TSPAN2: variants seen among roughly 807,000 people sequenced by gnomAD.
TSPAN2 encodes the protein tetraspanin-2.
In TSPAN2, 24 loss-of-function variants were observed where a neutral mutation model predicts 33.3. The observed-to-expected ratio is 0.72, with a 90% CI of 0.52 to 1.01. The LOEUF is 1.01. Ranked by LOEUF, TSPAN2 falls within the 50% of genes least tolerant of loss-of-function variation. The pLI is 0.00. For missense variants in TSPAN2, 278 were observed against 281.3 expected, an observed-to-expected ratio of 0.99 and a Z score of 0.08; for synonymous variants, 114 against 104.5, an observed-to-expected ratio of 1.09 and a Z score of -0.56.
intron 2 of TSPAN2, among the ~76,000 whole-genome samples, chr1:115,067,597 C>G (rs142002353): frequency 8.5e-4 from 129 of 152,234 alleles, no homozygotes; most frequent in African/African-American, 3.1e-3. Flanking sequence ...TTTAACAAGC[C>G]AAGCCACCCC....
At position 115,048,487 on chromosome 1, in the gene TSPAN2, TTTAA is replaced by T. The variant is rs1168466770; in HGVS notation, c.*1999_*2002del. ...ATGGAACAGAACCCTTCTCTTCTAC[TTTAA>T]TTAATTTCATTTTAAATTTATTTAT... On this transcript the variant is annotated 3_prime_UTR_variant, in exon 8 of 8. Coordinates refer to ENST00000369516, the MANE Select transcript of TSPAN2 (RefSeq NM_005725.6). 6.6e-6 allele frequency: 1 copy of T among 151,966 alleles called. No homozygotes were observed. The highest frequency in any genetic ancestry group is 2.4e-5 in the African/African-American group (1 of 41,430). 9.4% of individuals were successfully genotyped at this position (151,966 alleles called of 1,614,324 possible).
intron 1 of TSPAN2, among the ~76,000 whole-genome samples, chr1:115,086,329 G>C (rs779647611): frequency 2.0e-5 from 3 of 152,190 alleles, no homozygotes; most frequent in Non-Finnish European, 4.4e-5. Context: ...CGCCCTGCTT[G>C]GGATCTCTGC....
At chr1:115,056,520 C>G (rs1425803181) in intron 6 of TSPAN2, among the ~76,000 whole-genome samples, 1 of 152,200 alleles carries the variant, frequency 6.6e-6, no homozygotes, top group Admixed American at 6.5e-5. Context: ...TTACGCTGGT[C>G]TCTCGGCACG....
intron 2 of TSPAN2, among the ~76,000 whole-genome samples, chr1:115,071,211 G>A (rs1458647698): frequency 1.3e-5 from 2 of 152,116 alleles, no homozygotes; most frequent in African/African-American, 2.4e-5. Flanking sequence ...ATAGTAATTC[G>A]CTTCTTGGCC....
intron 2 of TSPAN2, among the ~76,000 whole-genome samples, chr1:115,066,596 TC>T (rs1027012884): frequency 1.3e-5 from 2 of 152,146 alleles, no homozygotes; most frequent in African/African-American, 4.8e-5. Flanking sequence ...AAAATGTGGT[TC>T]CCCCCTTTTA....
At chr1:115,063,108 T>C (rs771871806) in intron 2 of TSPAN2, among the ~76,000 whole-genome samples, 1 of 152,216 alleles carries the variant, frequency 6.6e-6, no homozygotes, top group Non-Finnish European at 1.5e-5. Flanking sequence ...AGAAATGATA[T>C]CATATTAAAA....
intron 1 of TSPAN2, among the ~76,000 whole-genome samples, chr1:115,081,500 TAAAC>T (rs1450118102): frequency 6.6e-6 from 1 of 152,202 alleles, no homozygotes; most frequent in Non-Finnish European, 1.5e-5. Context: ...CTTAGGGTAA[TAAAC>T]ACATGCGTGC....
At chr1:115,068,119 C>T (rs1648020823) in intron 2 of TSPAN2, among the ~76,000 whole-genome samples, 1 of 152,186 alleles carries the variant, frequency 6.6e-6, no homozygotes, top group Non-Finnish European at 1.5e-5. Flanking sequence ...GGAAGGGCCT[C>T]CAGGCCTTGG....
intron 7 of TSPAN2, among the ~76,000 whole-genome samples, chr1:115,051,902 G>T (rs749203204): frequency 6.6e-6 from 1 of 152,114 alleles, no homozygotes; most frequent in Non-Finnish European, 1.5e-5. Flanking sequence ...GAAACCTGGG[G>T]GTGCCGACTC....
chr1:115,069,077 C>T lies in TSPAN2; in HGVS notation c.172+3828G>A, dbSNP rs1005467413. On this transcript the variant is annotated intron_variant, in intron 2 of 7. Transcript: ENST00000369516. ...ATGACCCACTTCTCTGAACTTTGAG[C>T]ATGGATCGTGAGTGCCTTTACCACC... Among the ~76,000 whole-genome samples, 21 of 152,310 alleles carry T rather than the reference C, an allele frequency of 1.4e-4. 1 individual carries two copies. In the South Asian group the frequency reaches 4.1e-3, roughly 30 times the overall value.
intron 1 of TSPAN2, among the ~76,000 whole-genome samples, chr1:115,082,113 G>A (rs531051025): frequency 1.5e-3 from 230 of 152,362 alleles, no homozygotes; most frequent in African/African-American, 5.0e-3. Context: ...GCTGTCCAGC[G>A]TTGTGGCCAC....
intron 2 of TSPAN2, among the ~76,000 whole-genome samples, chr1:115,067,419 G>A (rs148749076): frequency 8.5e-5 from 13 of 152,156 alleles, no homozygotes; most frequent in Non-Finnish European, 1.8e-4. Flanking sequence ...CTTCAGTTTC[G>A]TTAGCTGCAA....
rs189370335 is a variant in TSPAN2 at position 115,050,476 on chromosome 1, A to C, written c.*14T>G. 13 of 1,612,978 alleles carry C rather than the reference A, an allele frequency of 8.1e-6. No individual in the cohort carries two copies. Among genetic ancestry groups the C allele is most frequent in the Admixed American group, 3.3e-5 (2 of 60,004 alleles). On this transcript the variant is annotated 3_prime_UTR_variant, in exon 8 of 8. Coordinates refer to ENST00000369516, the MANE Select transcript of TSPAN2 (RefSeq NM_005725.6). Reference sequence around the variant, plus strand: ...ATGAAAGCTTTAGATTGCAATTTTCATGTAGAAGTAGCTTCATATCACATC... The same window carrying C: ...ATGAAAGCTTTAGATTGCAATTTTCCTGTAGAAGTAGCTTCATATCACATC...
At chr1:115,078,373 C>T (rs1444929649) in intron 1 of TSPAN2, among the ~76,000 whole-genome samples, 1 of 152,116 alleles carries the variant, frequency 6.6e-6, no homozygotes, top group Admixed American at 6.5e-5. Flanking sequence ...TAGACATTTG[C>T]TAAATGAGTG....
chr1:115,050,170 T>C lies in TSPAN2; in HGVS notation c.*320A>G. 1 of 278,068 alleles carries C rather than the reference T, an allele frequency of 3.6e-6. No individual in the cohort carries two copies. Among genetic ancestry groups the C allele is most frequent in the Non-Finnish European group, 6.7e-6 (1 of 148,408 alleles). 17.2% of individuals were successfully genotyped at this position (278,068 alleles called of 1,614,324 possible). ...AAAGTTTCTGAAAGCTCTTTGATCT[T>C]TTTTTTCTGGGAGCGAAATAGGTTG... On this transcript the variant is annotated 3_prime_UTR_variant, in exon 8 of 8. Coordinates refer to ENST00000369516, the MANE Select transcript of TSPAN2 (RefSeq NM_005725.6).
chr1:115,062,766 C>T (rs897084406), intron 2 of TSPAN2, among the ~76,000 whole-genome samples: 1 of 152,202 alleles, frequency 6.6e-6, no homozygotes, highest in Non-Finnish European at 1.5e-5. Flanking sequence ...AAACCACTCC[C>T]ATTAATAGGG....
rs1675281630 is a variant in TSPAN2 at position 115,050,395 on chromosome 1, C to T, written c.*95G>A. ...AATTGACAGCAAATTATTTTAGATC[C>T]TAATGTCATTTCAGTGTTAAAAATG... is the stretch of plus-strand genomic sequence containing the variant. On this transcript the variant is annotated 3_prime_UTR_variant, in exon 8 of 8. Coordinates refer to ENST00000369516, the MANE Select transcript of TSPAN2 (RefSeq NM_005725.6). 5 of 1,106,672 alleles carry T rather than the reference C, an allele frequency of 4.5e-6. No homozygotes were observed. Among genetic ancestry groups the T allele is most frequent in the Non-Finnish European group, 5.5e-6 (4 of 722,742 alleles). The allele number at this position is 1,106,672 out of a possible 1,614,324, so 68.6% of individuals were successfully genotyped here. A position where few individuals can be genotyped will look rare whatever the true frequency, so the allele number is the denominator to read the frequency against.
intron 1 of TSPAN2, 88 bp downstream of exon 1, chr1:115,089,276 A>C (rs1298492638): frequency 1.6e-6 from 2 of 1,230,100 alleles, no homozygotes; most frequent in East Asian, 2.9e-5. Flanking sequence ...CGCGACTCGG[A>C]CGCCGCAGTC....
At chr1:115,080,840 G>T (rs1476577904) in intron 1 of TSPAN2, among the ~76,000 whole-genome samples, 1 of 152,148 alleles carries the variant, frequency 6.6e-6, no homozygotes, top group East Asian at 1.9e-4. Context: ...TCCTAGGCCT[G>T]CCCTCTGCAT....
Sources: allele counts gnomAD v4.1 joint callset (sites outside exome capture counted in the v4.1 genomes callset), GRCh38; gene constraint gnomAD v4.1.1; transcripts MANE v1.5; gene names NCBI Gene and HGNC (gene_info 2026-07-23, HGNC 2026-07-21).